The following KCNAB2 variants were observed in gnomAD, a reference collection of about 807,000 sequenced individuals.
KCNAB2 encodes potassium voltage-gated channel subfamily A regulatory beta subunit 2.
In KCNAB2, 29 loss-of-function variants were observed where a neutral mutation model predicts 63.6. That is an observed-to-expected ratio of 0.46 (90% CI 0.34 to 0.62). The LOEUF is 0.62. Among genes scored for constraint, KCNAB2 ranks in the 20% least tolerant of loss-of-function variants. KCNAB2 has a pLI of 0.01. For missense variants in KCNAB2, 359 were observed against 563.9 expected, an observed-to-expected ratio of 0.64 and a Z score of 3.68; for synonymous variants, 222 against 224.2, an observed-to-expected ratio of 0.99 and a Z score of 0.09.
chr1:6,095,667 C>G (rs923447634), intron 13 of KCNAB2, 43 bp downstream of exon 13: 2 of 1,578,774 alleles, frequency 1.3e-6, no homozygotes, highest in Admixed American at 3.3e-5. Context: ...AGGGGATAGG[C>G]ATTTTGGACG....
intron 2 of KCNAB2, among the ~76,000 whole-genome samples, chr1:6,063,348 T>G (rs891167373): frequency 2.6e-5 from 4 of 152,066 alleles, no homozygotes; most frequent in African/African-American, 9.7e-5. Flanking sequence ...ATACGTGTTC[T>G]TTCATGACCG....
chr1:6,044,982 C>G (rs1018895017), upstream of KCNAB2, among the ~76,000 whole-genome samples: 3 of 152,140 alleles, frequency 2.0e-5, no homozygotes, highest in African/African-American at 4.8e-5. Context: ...AGTAGTGAGG[C>G]GCAGGCCCCC....
In KCNAB2 at chr1:6,016,528, G is replaced by A. The variant is rs116476893; in HGVS notation, c.-53+23740G>A. Reference sequence around the variant, plus strand: ...ACTGAATTTGATGAGGCGTTTTCACGAGGCCTGTGTGAAACACTTAAAAAT... The same window carrying A: ...ACTGAATTTGATGAGGCGTTTTCACAAGGCCTGTGTGAAACACTTAAAAAT... On this transcript the variant is annotated intron_variant, in intron 1 of 16. Coordinates refer to the KCNAB2 transcript ENST00000341524. Among the ~76,000 whole-genome samples the A allele has an allele frequency of 3.7e-3, 557 of 152,338 alleles. 4 individuals are homozygous for A. The highest frequency in any genetic ancestry group is 0.013 in the African/African-American group (525 of 41,574).
intron 10 of KCNAB2, 92 bp downstream of exon 10, chr1:6,091,399 T>C (rs942527945): frequency 1.1e-6 from 1 of 948,264 alleles, no homozygotes; most frequent in Non-Finnish European, 1.6e-6. Flanking sequence ...TTTTACCCCA[T>C]GAGAAACTTC....
upstream of KCNAB2, among the ~76,000 whole-genome samples, chr1:6,045,673 C>G (rs1040530862): frequency 3.3e-5 from 5 of 152,232 alleles, no homozygotes; most frequent in African/African-American, 1.2e-4. This position sits in a 1 kb window ranked among gnomAD's most constrained non-coding sequence, Gnocchi z 4.8. Flanking sequence ...AGCTCCCCTG[C>G]TGCAGACACA....
At chr1:6,091,032 G>T (rs1355336300) in intron 9 of KCNAB2, among the ~76,000 whole-genome samples, 1 of 152,226 alleles carries the variant, frequency 6.6e-6, no homozygotes, top group Non-Finnish European at 1.5e-5. Flanking sequence ...GTCTTTCCAT[G>T]TGTGCTTTGC....
At chr1:6,001,797 G>A (rs1360964551) in intron 1 of KCNAB2, among the ~76,000 whole-genome samples, 3 of 152,192 alleles carry the variant, frequency 2.0e-5, no homozygotes, top group Non-Finnish European at 4.4e-5. Context: ...CCTGGAGCCA[G>A]CGGCCTCAGA....
At chr1:6,080,922 C>T (rs779533397) in intron 4 of KCNAB2, among the ~76,000 whole-genome samples, 6 of 152,204 alleles carry the variant, frequency 3.9e-5, no homozygotes, top group East Asian at 1.9e-4. Flanking sequence ...GAATTATTCA[C>T]CCCACGCTGG....
chr1:6,001,779 C>G (rs916979456), intron 1 of KCNAB2, among the ~76,000 whole-genome samples: 3 of 152,166 alleles, frequency 2.0e-5, no homozygotes, highest in Non-Finnish European at 4.4e-5. Flanking sequence ...AGGACTGGGT[C>G]CTAGGCTCCT....
rs75482995 is a variant in KCNAB2, at chr1:6,074,391, A to G, written c.300+621A>G. Among the ~76,000 whole-genome samples, 2,590 of 152,344 alleles carry G rather than the reference A, an allele frequency of 0.017. 32 individuals are homozygous for G. Among genetic ancestry groups the G allele is most frequent in the African/African-American group, 0.023 (939 of 41,576 alleles). On this transcript the variant is annotated intron_variant, in intron 4 of 15. Coordinates refer to ENST00000378083, the MANE Select transcript of KCNAB2 (RefSeq NM_001199862.2). This position sits in a 1 kb window ranked among gnomAD's most constrained non-coding sequence, Gnocchi z 4.9. ...GCGCCTCTGGGTCTCTCGGAAGGAC[A>G]GGGACGGCACACGCCCAGACATGTG...
chr1:6,003,696 T>C lies in KCNAB2; in HGVS notation c.-53+10908T>C, dbSNP rs116762245. ...AGCTCTGGACCTCTACTACCCAATT[T>C]CAAAAAGGTCGTAGTATATAGCTCA... On this transcript the variant is annotated intron_variant, in intron 1 of 16. Coordinates refer to the KCNAB2 transcript ENST00000341524. The surrounding 1 kb of genome is among the most constrained non-coding windows in gnomAD (Gnocchi z 4.1). 4.9e-3 allele frequency among the ~76,000 whole-genome samples: 749 copies of C among 152,286 alleles called. 6 individuals are homozygous for C. Among genetic ancestry groups the C allele is most frequent in the African/African-American group, 0.017 (708 of 41,544 alleles).
In KCNAB2 at chr1:6,098,780, G is replaced by A. The variant is rs1450599847; in HGVS notation, c.*206G>A. ...ACAATGTCGAAGTCCAGTCTGTGCC[G>A]GGGAAGGCACTGGTTAGGAAGGATG... On this transcript the variant is annotated 3_prime_UTR_variant, in exon 16 of 16. Coordinates refer to ENST00000378083, the MANE Select transcript of KCNAB2 (RefSeq NM_001199862.2). 2.4e-5 allele frequency: 15 copies of A among 615,900 alleles called. No homozygotes were observed. The highest frequency in any genetic ancestry group is 1.6e-4 in the South Asian group (8 of 49,902). The allele number at this position is 615,900 out of a possible 1,614,324, so 38.2% of individuals were successfully genotyped here.
intron 14 of KCNAB2, 21 bp from the exon 15 acceptor site, chr1:6,097,248 C>A (rs757670726): frequency 6.5e-7 from 1 of 1,528,364 alleles, no homozygotes; most frequent in African/African-American, 1.4e-5. Flanking sequence ...TTCTCCCTCA[C>A]CTTGGGTCTC....
At chr1:6,041,159 C>T (rs982311508), upstream of KCNAB2, 9 of 156,724 alleles carry the variant, frequency 5.7e-5, no homozygotes, top group South Asian at 1.9e-4. Flanking sequence ...AACTCACTTC[C>T]GCTTGCAGCC....
At chr1:6,081,314 A>G (rs1664191261) in intron 4 of KCNAB2, among the ~76,000 whole-genome samples, 2 of 152,266 alleles carry the variant, frequency 1.3e-5, no homozygotes, top group South Asian at 4.1e-4. Context: ...ACCATGCACC[A>G]GCTGTGGGAT....
At position 6,006,018 on chromosome 1, in the gene KCNAB2, C is replaced by T. The variant is rs1171696953; in HGVS notation, c.-53+13230C>T. Among the ~76,000 whole-genome samples, 2 of 1,152 alleles carry T rather than the reference C, an allele frequency of 1.7e-3. 1 individual carries two copies. 0.8% of individuals were successfully genotyped at this position (1,152 alleles called of 152,430 possible). A position where few individuals can be genotyped will look rare whatever the true frequency, so the allele number is the denominator to read the frequency against. ...TCCTACATTTCCCACTCCACCCTCA[C>T]CCCTCAGCTCAGCTCCCACATCCCC... On this transcript the variant is annotated intron_variant, in intron 1 of 16. Coordinates refer to the KCNAB2 transcript ENST00000341524.
intron 1 of KCNAB2, among the ~76,000 whole-genome samples, chr1:6,001,922 A>G (rs1657284414): frequency 6.6e-6 from 1 of 152,232 alleles, no homozygotes; most frequent in African/African-American, 2.4e-5. Flanking sequence ...ATCATGGTGC[A>G]GCTCTCTGAC....
intron 2 of KCNAB2, among the ~76,000 whole-genome samples, chr1:6,062,287 C>G (rs1235702590): frequency 6.6e-6 from 1 of 151,022 alleles, no homozygotes; most frequent in Admixed American, 6.6e-5. Flanking sequence ...GCTCTCCAGC[C>G]TGGGCAACAA....
chr1:6,085,184 C>T lies in KCNAB2; in HGVS notation c.381-20C>T, dbSNP rs764624561. On this transcript the variant is annotated intron_variant, in intron 5 of 15. Coordinates refer to ENST00000378083, the MANE Select transcript of KCNAB2 (RefSeq NM_001199862.2). ...TTTTTCTGTTTGGCTGTGATGAGAG[C>T]TCGGTGTCTTGTTTTGCAGGGCTGA... 1 of 1,613,728 alleles carries T rather than the reference C, an allele frequency of 6.2e-7. No homozygotes were observed. Among genetic ancestry groups the T allele is most frequent in the South Asian group, 1.1e-5 (1 of 91,068 alleles).
Sources: allele counts gnomAD v4.1 joint callset (sites outside exome capture counted in the v4.1 genomes callset), GRCh38; gene constraint gnomAD v4.1.1; non-coding constraint Gnocchi (gnomAD v3.1); transcripts MANE v1.5; gene names NCBI Gene and HGNC (gene_info 2026-07-23, HGNC 2026-07-21).